Variants in ERCC3 observed in about 807,000 individuals in gnomAD.
ERCC3 encodes the protein ERCC excision repair 3, TFIIH core complex helicase subunit, also known as general transcription and DNA repair factor IIH helicase/translocase subunit XPB.
ERCC3 carries 66 observed loss-of-function variants against 94.2 expected under a neutral mutation model. That is an observed-to-expected ratio of 0.70 (90% CI 0.57 to 0.86). The LOEUF (loss-of-function observed/expected upper bound fraction) is 0.86. ERCC3 is among the 40% of genes least tolerant of loss of function. The probability of loss-of-function intolerance (pLI) is 0.00; values close to 1 mark genes in which losing one functional copy is unlikely to be tolerated. For synonymous variants in ERCC3, 349 were observed against 369.1 expected (o/e 0.95, Z 0.63); for missense variants, 829 against 987.1 (o/e 0.84, Z 2.15).
rs991416132 is a variant in ERCC3 at position 127,284,013 on chromosome 2, C to T, written c.1342+2690G>A. Among the ~76,000 whole-genome samples the T allele has an allele frequency of 2.6e-5, 4 of 152,206 alleles. No homozygotes were observed. The highest frequency in any genetic ancestry group is 5.9e-5 in the Non-Finnish European group (4 of 68,038). ...GCTCCTTTGAGAGTGTTCCCCATCT[C>T]AATTAATGCCCACTGTATCCTCCCT... On this transcript the variant is annotated intron_variant, in intron 8 of 14. Transcript: ENST00000285398. This position sits in a 1 kb window ranked among gnomAD's most constrained non-coding sequence, Gnocchi z 4.1.
At position 127,288,657 on chromosome 2, in the gene ERCC3, T is replaced by C. The variant is rs4150417; in HGVS notation, c.1027+3A>G. On this transcript the variant is annotated splice_donor_region_variant and intron_variant, in intron 7 of 14. Transcript: ENST00000285398. Reference sequence around the variant, plus strand: ...CCACCTTCTTAACTCTGGTACCACTTACCGCAGGGAAGAACAATGACCCCC... The same window carrying C: ...CCACCTTCTTAACTCTGGTACCACTCACCGCAGGGAAGAACAATGACCCCC... The C allele has an allele frequency of 2.4e-3, 3,793 of 1,613,622 alleles. 74 individuals carry two copies. The African/African-American group carries it at 0.045, about 19-fold the overall frequency.
chr2:127,294,034 G>T lies in ERCC3; in HGVS notation c.28+20C>A. 1 of 1,603,804 alleles carries T rather than the reference G, an allele frequency of 6.2e-7. No individual in the cohort carries two copies. The highest frequency in any genetic ancestry group is 8.5e-7 in the Non-Finnish European group (1 of 1,178,546). Reference sequence around the variant, plus strand: ...CCGGCAAGGGCAGTCGTGGCTGAGCGTGCCCGCGCAACGTCTCACCGCGGT... The same window carrying T: ...CCGGCAAGGGCAGTCGTGGCTGAGCTTGCCCGCGCAACGTCTCACCGCGGT... On this transcript the variant is annotated intron_variant, in intron 1 of 14. Coordinates refer to ENST00000285398, the MANE Select transcript of ERCC3 (RefSeq NM_000122.2).
rs73956504 is a variant in ERCC3 at position 127,282,008 on chromosome 2, G to A, written c.1343-1377C>T. Among the ~76,000 whole-genome samples, 1,030 of 152,220 alleles carry A rather than the reference G, an allele frequency of 6.8e-3. 19 individuals carry two copies. Among genetic ancestry groups the A allele is most frequent in the African/African-American group, 0.023 (939 of 41,540 alleles). The stretch of plus-strand genomic sequence containing the variant: ...CAGGTAGGACTCTGCCTGGACACCC[G>A]TGACCCCATCACACCCCTCTATTAC... On this transcript the variant is annotated intron_variant, in intron 8 of 14. Transcript: ENST00000285398.
chr2:127,283,136 CG>C (rs1198171203), intron 8 of ERCC3, among the ~76,000 whole-genome samples: 2 of 94,772 alleles, frequency 2.1e-5, no homozygotes, highest in Non-Finnish European at 4.0e-5. Flanking sequence ...TGACTTGGGG[CG>C]GGGGGTGGGG....
In ERCC3 at chr2:127,271,287, GGTT is replaced by G. The variant is rs1558952107; in HGVS notation, c.1945+46_1945+48del. 1 of 1,258,988 alleles carries G rather than the reference GGTT, an allele frequency of 7.9e-7. No homozygotes were observed. Among genetic ancestry groups the G allele is most frequent in the South Asian group, 1.2e-5 (1 of 83,832 alleles). 78.0% of individuals were successfully genotyped at this position (1,258,988 alleles called of 1,614,324 possible). On this transcript the variant is annotated intron_variant, in intron 12 of 14. Transcript: ENST00000285398. This position sits in a 1 kb window ranked among gnomAD's most constrained non-coding sequence, Gnocchi z 5.0. ...CCCCTATCGTCTTCCTAACTAAAGT[GGTT>G]TAAGAGGAGTGACCTCCTGCAACAG... is the stretch of plus-strand genomic sequence containing the variant.
At chr2:127,290,815 C>T in intron 3 of ERCC3, 1 of 175,764 alleles carries the variant, frequency 5.7e-6, no homozygotes, top group South Asian at 1.3e-4. Context: ...GGCACGGTGG[C>T]TCACACCTGT....
In ERCC3 at chr2:127,271,015, T is replaced by G. The variant is rs1401062105; in HGVS notation, c.1945+321A>C. Among the ~76,000 whole-genome samples, 1 of 152,208 alleles carries G rather than the reference T, an allele frequency of 6.6e-6. No homozygotes were observed. The highest frequency in any genetic ancestry group is 1.9e-4 in the East Asian group (1 of 5,192). On this transcript the variant is annotated intron_variant, in intron 12 of 14. Transcript: ENST00000285398. This position sits in a 1 kb window ranked among gnomAD's most constrained non-coding sequence, Gnocchi z 5.0. The stretch of plus-strand genomic sequence containing the variant: ...TCCACTTACACTGGTGGCCCAGCTC[T>G]GTTTTCTCCCTTCCATGTCTACCCC...
In ERCC3 at chr2:127,274,468, T is replaced by C. The variant is rs1268473713; in HGVS notation, c.1731-1507A>G. 6.6e-6 allele frequency among the ~76,000 whole-genome samples: 1 copy of C among 152,206 alleles called. No homozygotes were observed. The highest frequency in any genetic ancestry group is 1.5e-5 in the Non-Finnish European group (1 of 68,036). Reference sequence around the variant, plus strand: ...GCAGGTGGAACCTGGGAGTGGCTGCTCCACTGCCGAGGCCCGTTAGCACCC... The same window carrying C: ...GCAGGTGGAACCTGGGAGTGGCTGCCCCACTGCCGAGGCCCGTTAGCACCC... On this transcript the variant is annotated intron_variant, in intron 10 of 14. Coordinates refer to ENST00000285398, the MANE Select transcript of ERCC3 (RefSeq NM_000122.2). The surrounding 1 kb of genome is among the most constrained non-coding windows in gnomAD (Gnocchi z 4.0).
In ERCC3 at chr2:127,281,340, C is replaced by T. The variant is rs577327810; in HGVS notation, c.1343-709G>A. ...AAGCCCTCCGGCCCGCCTTAGGAAA[C>T]TCCCCTCTCCAAACTTTACCAATTC... On this transcript the variant is annotated intron_variant, in intron 8 of 14. Coordinates refer to ENST00000285398, the MANE Select transcript of ERCC3 (RefSeq NM_000122.2). Among the ~76,000 whole-genome samples, 132 of 152,352 alleles carry T rather than the reference C, an allele frequency of 8.7e-4. 1 individual carries two copies. The highest frequency in any genetic ancestry group is 3.1e-3 in the African/African-American group (129 of 41,572).
chr2:127,280,628 T>C lies in ERCC3; in HGVS notation c.1346A>G (p.Lys449Arg), dbSNP rs115481013. 159 of 1,613,956 alleles carry C rather than the reference T, an allele frequency of 9.9e-5. No homozygotes were observed. Among genetic ancestry groups the C allele is most frequent in the Non-Finnish European group, 1.3e-4 (155 of 1,179,898 alleles). ...GATGGTGAGCACCCTTCGGAACATC[T>C]TGGCTGAGGAAACAATGGGAGCATT... is the stretch of plus-strand genomic sequence containing the variant. ...ILDEVHTIPAKMFRRVLTIVQ... is the reference protein window; with the variant it reads ...ILDEVHTIPARMFRRVLTIVQ... Residue 449 changes from lysine (K) to arginine (R), a missense_variant, in exon 9 of 15, where the codon AAG (lysine) becomes AGG (arginine). Physicochemically the swap from Lys to Arg is conservative, Grantham distance 26. Coordinates refer to ENST00000285398, the MANE Select transcript of ERCC3 (RefSeq NM_000122.2). The surrounding 1 kb of genome is among the most constrained non-coding windows in gnomAD (Gnocchi z 6.3).
At chr2:127,261,446 A>AGGGCTTTTCCACTCC in intron 12 of ERCC3, 100 bp from the exon 13 acceptor site, 1 of 823,616 alleles carries the variant, frequency 1.2e-6, no homozygotes, top group Non-Finnish European at 2.2e-6. Context: ...ACTGGAGTGG[A>AGGGCTTTTCCACTCC]AAAGCCCTGC....
Position 127,293,735 on chromosome 2 carries a change from C to G in ERCC3, c.29-17G>C, listed in dbSNP as rs201871154. On this transcript the variant is annotated splice_polypyrimidine_tract_variant and intron_variant, in intron 1 of 14. Coordinates refer to ENST00000285398, the MANE Select transcript of ERCC3 (RefSeq NM_000122.2). ...TCTTCTTGTCTGCAAGATACCAACACAGAAGTAAGCCCAGCAGGAGCCTTC... is the reference window on the plus strand; with the variant it reads ...TCTTCTTGTCTGCAAGATACCAACAGAGAAGTAAGCCCAGCAGGAGCCTTC... 6.2e-7 allele frequency: 1 copy of G among 1,609,226 alleles called. No homozygotes were observed. The highest frequency in any genetic ancestry group is 8.5e-7 in the Non-Finnish European group (1 of 1,180,016).
intron 2 of ERCC3, among the ~76,000 whole-genome samples, chr2:127,293,079 G>C (rs1685332412): frequency 6.6e-6 from 1 of 152,228 alleles, no homozygotes; most frequent in African/African-American, 2.4e-5. Context: ...ATTCTGCACA[G>C]AGAAAGCCCA....
In ERCC3 at chr2:127,271,329, A is replaced by C. The variant is rs1684542389; in HGVS notation, c.1945+7T>G. On this transcript the variant is annotated splice_region_variant and intron_variant, in intron 12 of 14. Transcript: ENST00000285398. This position sits in a 1 kb window ranked among gnomAD's most constrained non-coding sequence, Gnocchi z 5.0. ...CTCCTGCAACAGAAGATGAAAGGCC[A>C]CTTTACCTTTTTTAGCTCGAAGCAC... 1.3e-6 allele frequency: 2 copies of C among 1,598,144 alleles called. No homozygotes were observed. Among genetic ancestry groups the C allele is most frequent in the African/African-American group, 2.7e-5 (2 of 74,492 alleles).
At chr2:127,288,214 T>C (rs1235568821) in intron 7 of ERCC3, among the ~76,000 whole-genome samples, 1 of 152,136 alleles carries the variant, frequency 6.6e-6, no homozygotes, top group African/African-American at 2.4e-5. Flanking sequence ...ATCCTAGTCA[T>C]CCAGGAACAC....
chr2:127,283,778 T>G (rs747119731), intron 8 of ERCC3, among the ~76,000 whole-genome samples: 37 of 152,250 alleles, frequency 2.4e-4, no homozygotes, highest in Admixed American at 6.5e-4. Context: ...GAGCATCCTG[T>G]GGTGGGTTTA....
Position 127,292,681 on chromosome 2 carries a change from T to C in ERCC3, c.400A>G (p.Ser134Gly), listed in dbSNP as rs772341214. The C allele has an allele frequency of 1.2e-6, 2 of 1,614,210 alleles. No individual in the cohort carries two copies. Among genetic ancestry groups the C allele is most frequent in the Non-Finnish European group, 1.7e-6 (2 of 1,180,036 alleles). Reference sequence around the variant, plus strand: ...TTCCTGAGGTACTCGGTGATGTCACTGGTTTGCAGCCCAACGCTGACAGCT... The same window carrying C: ...TTCCTGAGGTACTCGGTGATGTCACCGGTTTGCAGCCCAACGCTGACAGCT... ...YAAVSVGLQT[S>G]DITEYLRKLS... Residue 134 changes from serine to glycine, a missense_variant, in exon 3 of 15, where the codon AGT (serine) becomes GGT (glycine). Physicochemically the swap from Ser to Gly is moderately conservative, Grantham distance 56 (BLOSUM62 0). Coordinates refer to ENST00000285398, the MANE Select transcript of ERCC3 (RefSeq NM_000122.2).
intron 1 of ERCC3, 29 bp from the exon 2 acceptor site, chr2:127,293,747 C>T (rs1417518321): frequency 1.9e-6 from 3 of 1,607,048 alleles, no homozygotes; most frequent in Non-Finnish European, 2.5e-6. Flanking sequence ...GAAGTAAGCC[C>T]AGCAGGAGCC....
At chr2:127,270,047 T>TC (rs397937344) in intron 12 of ERCC3, among the ~76,000 whole-genome samples, 22 of 151,848 alleles carry the variant, frequency 1.4e-4, no homozygotes, top group African/African-American at 2.9e-4. Flanking sequence ...AATCAATCAA[T>TC]AAAGGAGTTT....
Sources: gnomAD v4.1 joint callset for allele counts (sites outside exome capture counted in the v4.1 genomes callset) on GRCh38, gnomAD v4.1.1 for gene constraint, Gnocchi (gnomAD v3.1) non-coding constraint, MANE v1.5 for transcripts, NCBI Gene and HGNC (gene_info 2026-07-23, HGNC 2026-07-21) for gene names.